Variants in E2F8 observed in about 807,000 individuals in gnomAD.
The protein encoded by E2F8 is transcription factor E2F8.
E2F8 carries 35 observed loss-of-function variants against 80.8 expected under a neutral mutation model. The observed-to-expected ratio is 0.43, with a 90% CI of 0.33 to 0.57. The LOEUF (loss-of-function observed/expected upper bound fraction) is 0.57. Ranked by LOEUF, E2F8 falls within the 20% of genes least tolerant of loss-of-function variation. The pLI is 0.04. For missense variants in E2F8, 975 were observed against 1,056.2 expected (o/e 0.92, Z 1.07); for synonymous variants, 386 against 395.0 (o/e 0.98, Z 0.27).
At position 19,229,637 on chromosome 11, in the gene E2F8, G is replaced by C. The variant is rs1244160245; in HGVS notation, c.1710C>G (p.Thr570=). ...GCCTGGTAGAGGCACTGGCCTTTGA[G>C]GTATCATTGGCTGCCTTCTCAGTGG... The part of the protein sequence containing the change: ...DATTEKAAND[T]SKASASTRPG... The change falls in exon 10 of 13, where the codon ACC becomes ACG. Residue 570 remains threonine, a synonymous_variant. Transcript: ENST00000250024. This position sits in a 1 kb window ranked among gnomAD's most constrained non-coding sequence, Gnocchi z 4.3. The C allele has an allele frequency of 6.2e-7, 1 of 1,614,166 alleles. No individual in the cohort carries two copies. The highest frequency in any genetic ancestry group is 8.5e-7 in the Non-Finnish European group (1 of 1,180,026).
rs1006518825 is a variant in E2F8, at chr11:19,225,508, C to T, written c.2134G>A (p.Val712Ile). ...GAAGCGAGAGCCGGGCTGTTCCCGA[C>T]AGGTACGGCTGCCACGGAAGTTGGT... ...VSPTSVAAVPVGNSPALASSH... is the reference protein window; with the variant it reads ...VSPTSVAAVPIGNSPALASSH... Residue 712 changes from valine to isoleucine, a missense_variant, in exon 12 of 13, where the codon GTC becomes ATC. Transcript: ENST00000250024. 12 of 1,614,184 alleles carry T rather than the reference C, an allele frequency of 7.4e-6. No individual in the cohort carries two copies. Among genetic ancestry groups the T allele is most frequent in the Non-Finnish European group, 9.3e-6 (11 of 1,180,054 alleles).
At chr11:19,233,462 T>A (rs1851430224) in intron 6 of E2F8, among the ~76,000 whole-genome samples, 1 of 152,148 alleles carries the variant, frequency 6.6e-6, no homozygotes, top group East Asian at 1.9e-4. Flanking sequence ...TACTCTCATT[T>A]AGAGCTCACA....
rs774199379 is a variant in E2F8, at chr11:19,230,296, T to C, written c.1303A>G (p.Ser435Gly). Residue 435 changes from serine to glycine, a missense_variant, in exon 9 of 13, where the codon AGT (serine) becomes GGT (glycine). By Grantham distance (56) the Ser-to-Gly change is moderately conservative. Coordinates refer to ENST00000250024, the MANE Select transcript of E2F8 (RefSeq NM_024680.4). ...ESSQNSAPFP[S>G]KMAQLAAICK... is the part of the protein sequence containing the mutation. ...ATAGCTGCGAGCTGAGCCATTTTAC[T>C]TGGGAAGGGTGCAGAATTCTGAGAA... 1 of 1,614,094 alleles carries C rather than the reference T, an allele frequency of 6.2e-7. No individual in the cohort carries two copies. The highest frequency in any genetic ancestry group is 2.2e-5 in the East Asian group (1 of 44,880).
At chr11:19,234,598 T>C in intron 5 of E2F8, 77 bp from the exon 6 acceptor site, 2 of 1,569,270 alleles carry the variant, frequency 1.3e-6, no homozygotes, top group Non-Finnish European at 1.7e-6. Context: ...AGGCTAAAAA[T>C]ACTACCACCT....
At chr11:19,231,630 A>G (rs948487694) in intron 7 of E2F8, among the ~76,000 whole-genome samples, 1 of 152,222 alleles carries the variant, frequency 6.6e-6, no homozygotes, top group South Asian at 2.1e-4. Context: ...CTACTTTGAT[A>G]CCAGAGTGAA....
In E2F8 at chr11:19,224,748, G is replaced by T; in HGVS notation, c.2514C>A (p.Cys838Ter). ...GGPTKPTSSS[C>*]MDFEGANKTS... ...TTTTATTAGCACCCTCAAAATCCAT[G>T]CAGGATGAGCTGGTTGGCTTGGTGG... Residue 838 changes from cysteine to a stop codon, truncating the protein, a stop_gained, in exon 13 of 13, where the codon TGC becomes TGA. Coordinates refer to ENST00000250024, the MANE Select transcript of E2F8 (RefSeq NM_024680.4). LOFTEE classifies it high-confidence loss of function. 1 of 1,614,220 alleles carries T rather than the reference G, an allele frequency of 6.2e-7. No individual in the cohort carries two copies. Among genetic ancestry groups the T allele is most frequent in the Non-Finnish European group, 8.5e-7 (1 of 1,180,042 alleles).
chr11:19,240,125 G>T lies in E2F8; in HGVS notation c.-4C>A. The stretch of plus-strand genomic sequence containing the variant: ...AAAGTACCTTTTCGTTCTCCATTCT[G>T]TAAATTCCTCATACATTTAGAGTTT... On this transcript the variant is annotated 5_prime_UTR_variant, in exon 2 of 13. Coordinates refer to ENST00000250024, the MANE Select transcript of E2F8 (RefSeq NM_024680.4). 2 of 1,521,728 alleles carry T rather than the reference G, an allele frequency of 1.3e-6. No individual in the cohort carries two copies. The highest frequency in any genetic ancestry group is 1.8e-6 in the Non-Finnish European group (2 of 1,129,950). The allele number at this position is 1,521,728 out of a possible 1,614,324, so 94.3% of individuals were successfully genotyped here.
intron 2 of E2F8, among the ~76,000 whole-genome samples, 155 bp downstream of exon 2, chr11:19,239,952 A>C (rs570737576): frequency 6.6e-6 from 1 of 151,852 alleles, no homozygotes; most frequent in East Asian, 1.9e-4. Flanking sequence ...TATTTTTGAA[A>C]CTATAAGATA....
chr11:19,225,118 T>C, intron 12 of E2F8, 103 bp downstream of exon 12: 2 of 1,482,952 alleles, frequency 1.3e-6, no homozygotes, highest in Non-Finnish European at 1.8e-6. Context: ...TTTCCCATCC[T>C]TTCCCTCTCC....
chr11:19,228,691 T>TAA (rs1851296439), intron 10 of E2F8, among the ~76,000 whole-genome samples: 1 of 152,232 alleles, frequency 6.6e-6, no homozygotes, highest in Non-Finnish European at 1.5e-5. Context: ...AATGAGAGAT[T>TAA]AACTTTTACT....
rs774199379 is a variant in E2F8, at chr11:19,230,296, T to G, written c.1303A>C (p.Ser435Arg). 2 of 1,613,976 alleles carry G rather than the reference T, an allele frequency of 1.2e-6. No individual in the cohort carries two copies. The highest frequency in any genetic ancestry group is 1.7e-6 in the Non-Finnish European group (2 of 1,180,020). Residue 435 changes from serine (S) to arginine (R), a missense_variant, in exon 9 of 13, where the codon AGT (serine) becomes CGT (arginine). By Grantham distance (110) the Ser-to-Arg change is moderately radical. Coordinates refer to ENST00000250024, the MANE Select transcript of E2F8 (RefSeq NM_024680.4). ...ATAGCTGCGAGCTGAGCCATTTTAC[T>G]TGGGAAGGGTGCAGAATTCTGAGAA... ...ESSQNSAPFP[S>R]KMAQLAAICK...
chr11:19,236,403 A>G (rs1263881355), intron 4 of E2F8, among the ~76,000 whole-genome samples: 3 of 152,150 alleles, frequency 2.0e-5, no homozygotes, highest in Non-Finnish European at 4.4e-5. Flanking sequence ...TACTTCCTAT[A>G]TCCTTTACTC....
intron 10 of E2F8, among the ~76,000 whole-genome samples, chr11:19,226,771 A>G (rs563214478): frequency 6.6e-5 from 10 of 152,364 alleles, no homozygotes; most frequent in African/African-American, 1.7e-4. Flanking sequence ...CAGAAATTAT[A>G]TAAGTAAAGA....
At chr11:19,238,466 T>C (rs1484831155) in intron 2 of E2F8, among the ~76,000 whole-genome samples, 1 of 152,246 alleles carries the variant, frequency 6.6e-6, no homozygotes, top group Non-Finnish European at 1.5e-5. Flanking sequence ...AAAGACAGTA[T>C]AGAGTTCCCA....
chr11:19,225,493 C>T lies in E2F8; in HGVS notation c.2149G>A (p.Ala717Thr), dbSNP rs1217047496. The change falls in exon 12 of 13, where the codon GCT becomes ACT. Residue 717 changes from alanine to threonine, a missense_variant. By Grantham distance (58) the Ala-to-Thr change is moderately conservative. Coordinates refer to ENST00000250024, the MANE Select transcript of E2F8 (RefSeq NM_024680.4). Reference protein sequence around the residue: ...VAAVPVGNSPALASSHPVPIQ... With the variant: ...VAAVPVGNSPTLASSHPVPIQ... The stretch of plus-strand genomic sequence containing the variant: ...GGAACAGGGTGGCTTGAAGCGAGAG[C>T]CGGGCTGTTCCCGACAGGTACGGCT... 6.2e-7 allele frequency: 1 copy of T among 1,614,024 alleles called. No homozygotes were observed. The highest frequency in any genetic ancestry group is 1.3e-5 in the African/African-American group (1 of 74,896).
Position 19,240,184 on chromosome 11 carries a change from C to A in E2F8, c.-63G>T. 1 of 1,216,632 alleles carries A rather than the reference C, an allele frequency of 8.2e-7. No individual in the cohort carries two copies. Among genetic ancestry groups the A allele is most frequent in the South Asian group, 1.7e-5 (1 of 58,098 alleles). 75.4% of individuals were successfully genotyped at this position (1,216,632 alleles called of 1,614,324 possible). A position where few individuals can be genotyped will look rare whatever the true frequency, so the allele number is the denominator to read the frequency against. On this transcript the variant is annotated 5_prime_UTR_variant, in exon 2 of 13. Coordinates refer to ENST00000250024, the MANE Select transcript of E2F8 (RefSeq NM_024680.4). ...AAAATCTGGAGTTCCTCCCCAAATCCCGATGGTTCAAGTAGTCCAATCAAT... is the reference window on the plus strand; with the variant it reads ...AAAATCTGGAGTTCCTCCCCAAATCACGATGGTTCAAGTAGTCCAATCAAT...
intron 10 of E2F8, chr11:19,226,115 G>T: frequency 2.1e-6 from 1 of 472,448 alleles, no homozygotes. Flanking sequence ...ACCTTTGGAT[G>T]ATGGCACTGA....
At chr11:19,230,558 GATC>G in intron 8 of E2F8, 70 bp downstream of exon 8, 1 of 1,515,406 alleles carries the variant, frequency 6.6e-7, no homozygotes, top group Non-Finnish European at 9.1e-7. Context: ...CTATTGCAAG[GATC>G]AAGTAAGCTG....
chr11:19,241,030 T>C (rs903721976), upstream of E2F8: 2 of 152,394 alleles, frequency 1.3e-5, no homozygotes, highest in East Asian at 1.9e-4. This position sits in a 1 kb window ranked among gnomAD's most constrained non-coding sequence, Gnocchi z 4.5. Context: ...GACAGCATCA[T>C]CGTGGTTTCC....
Sources: allele counts gnomAD v4.1 joint callset (sites outside exome capture counted in the v4.1 genomes callset), GRCh38; gene constraint gnomAD v4.1.1; non-coding constraint Gnocchi (gnomAD v3.1); transcripts MANE v1.5; gene names NCBI Gene and HGNC (gene_info 2026-07-23, HGNC 2026-07-21).